Variants in TRMT13 observed in about 807,000 individuals in gnomAD.
TRMT13 encodes the protein tRNA methyltransferase 13.
A neutral mutation model predicts 55.9 loss-of-function variants in TRMT13; 45 were observed. The observed-to-expected ratio is 0.80, with a 90% CI of 0.63 to 1.03. The LOEUF is 1.03. Among genes scored for constraint, TRMT13 ranks in the 50% least tolerant of loss-of-function variants. The pLI is 0.00. For missense variants in TRMT13, 513 were observed against 563.9 expected, an observed-to-expected ratio of 0.91 and a Z score of 0.91; for synonymous variants, 183 against 196.3, an observed-to-expected ratio of 0.93 and a Z score of 0.57.
At chr1:100,137,625 T>C (rs1332906850) in intron 3 of TRMT13, among the ~76,000 whole-genome samples, 1 of 152,232 alleles carries the variant, frequency 6.6e-6, no homozygotes, top group African/African-American at 2.4e-5. Context: ...ACACCATTTC[T>C]GTCTTCCAAG....
At chr1:100,140,604 G>A in intron 6 of TRMT13, 90 bp downstream of exon 6, 1 of 1,094,210 alleles carries the variant, frequency 9.1e-7, no homozygotes, top group Admixed American at 2.2e-5. Context: ...ATTTTATTTT[G>A]TTTACCTTTG....
chr1:100,133,332 C>T lies in TRMT13; in HGVS notation c.147+17C>T, dbSNP rs1655290581. On this transcript the variant is annotated intron_variant, in intron 1 of 10. Coordinates refer to ENST00000370141, the MANE Select transcript of TRMT13 (RefSeq NM_019083.3). ...GCCGCGGAGGTGTGGTATCGCCCTA[C>T]TCTCTCAAGAGTCGGAAATAAGTAT... The T allele has an allele frequency of 4.3e-6, 7 of 1,612,700 alleles. No homozygotes were observed. In the East Asian group the frequency reaches 1.3e-4, roughly 31 times the overall value.
chr1:100,139,502 T>C (rs1044856244), intron 3 of TRMT13, 147 bp from the exon 4 acceptor site: 28 of 596,624 alleles, frequency 4.7e-5, no homozygotes, highest in African/African-American at 4.5e-4. Context: ...AGAGTAAATA[T>C]TCAATAGTGA....
chr1:100,139,071 A>G (rs1057481680), intron 3 of TRMT13, among the ~76,000 whole-genome samples: 11 of 152,254 alleles, frequency 7.2e-5, no homozygotes, highest in African/African-American at 2.4e-4. Context: ...AAGTGCTAGG[A>G]TTACAGGCCT....
chr1:100,147,497 T>C (rs1265835901), intron 9 of TRMT13, among the ~76,000 whole-genome samples: 2 of 152,162 alleles, frequency 1.3e-5, no homozygotes, highest in African/African-American at 2.4e-5. Flanking sequence ...CTCCCTCCCT[T>C]CCTTCCTTCC....
chr1:100,145,764 AG>A (rs536100180), intron 9 of TRMT13, among the ~76,000 whole-genome samples: 75 of 152,172 alleles, frequency 4.9e-4, no homozygotes, highest in Non-Finnish European at 8.1e-4. Context: ...CCAGCTATTC[AG>A]GAGGCTGAGG....
intron 1 of TRMT13, among the ~76,000 whole-genome samples, chr1:100,136,209 T>A (rs1274550894): frequency 6.6e-6 from 1 of 152,232 alleles, no homozygotes. Flanking sequence ...CAGTAAAATA[T>A]GGCACATCCA....
At chr1:100,148,521 A>C (rs1657582627) in intron 10 of TRMT13, 104 bp from the exon 11 acceptor site, 1 of 1,151,192 alleles carries the variant, frequency 8.7e-7, no homozygotes, top group Non-Finnish European at 1.2e-6. Context: ...TACTTAGTAC[A>C]TTATGGGTTA....
intron 7 of TRMT13, among the ~76,000 whole-genome samples, chr1:100,142,323 A>G (rs1169186514): frequency 1.3e-5 from 2 of 152,232 alleles, no homozygotes; most frequent in African/African-American, 4.8e-5. Flanking sequence ...CATTAAAACT[A>G]TATTAGAAGA....
Position 100,144,059 on chromosome 1 carries a change from T to C in TRMT13, c.743-10T>C, listed in dbSNP as rs1171659905. 5 of 1,608,176 alleles carry C rather than the reference T, an allele frequency of 3.1e-6. No individual in the cohort carries two copies. Among genetic ancestry groups the C allele is most frequent in the Middle Eastern group, 1.6e-4 (1 of 6,076 alleles). On this transcript the variant is annotated splice_polypyrimidine_tract_variant and intron_variant, in intron 8 of 10. Coordinates refer to ENST00000370141, the MANE Select transcript of TRMT13 (RefSeq NM_019083.3). ...TTTCACTAGACAGTTAATTCTCATT[T>C]CCATTTCAGACAAGATTCCTGTGCT... is the stretch of plus-strand genomic sequence containing the variant.
chr1:100,147,809 A>G, intron 9 of TRMT13, 85 bp from the exon 10 acceptor site: 2 of 1,321,150 alleles, frequency 1.5e-6, no homozygotes, highest in Non-Finnish European at 2.0e-6. Context: ...TTGAGTTTTT[A>G]AAAACAGTAC....
At chr1:100,143,239 A>T (rs369176279) in intron 8 of TRMT13, 30 bp downstream of exon 8, 11 of 1,440,884 alleles carry the variant, frequency 7.6e-6, no homozygotes, top group Non-Finnish European at 1.1e-5. Context: ...ATTGGTCTAC[A>T]AATAAATCAT....
In TRMT13 at chr1:100,149,369, C is replaced by T; in HGVS notation, c.*549C>T. The T allele has an allele frequency of 6.5e-7, 1 of 1,544,054 alleles. No homozygotes were observed. Among genetic ancestry groups the T allele is most frequent in the African/African-American group, 1.4e-5 (1 of 72,900 alleles). On this transcript the variant is annotated 3_prime_UTR_variant, in exon 11 of 11. Coordinates refer to ENST00000370141, the MANE Select transcript of TRMT13 (RefSeq NM_019083.3). ...CACAATTAATTAATGAAGTCACCTT[C>T]AAATTTCCAGAGCCATACATGTATA...
At chr1:100,137,370 AT>A (rs1227899397) in intron 3 of TRMT13, among the ~76,000 whole-genome samples, 6 of 151,730 alleles carry the variant, frequency 4.0e-5, no homozygotes, top group African/African-American at 1.2e-4. Context: ...TTATTTTTTT[AT>A]TTTTTTATAG....
chr1:100,148,043 A>G lies in TRMT13; in HGVS notation c.967A>G (p.Lys323Glu). 6.2e-7 allele frequency: 1 copy of G among 1,614,206 alleles called. No individual in the cohort carries two copies. Among genetic ancestry groups the G allele is most frequent in the East Asian group, 2.2e-5 (1 of 44,890 alleles). ...KEGNEKNVPE[K>E]WNPVAGIVIA... is the part of the protein sequence containing the mutation. Reference sequence around the variant, plus strand: ...AGGAAATGAAAAAAATGTCCCAGAGAAGTGGAACCCTGTGGCTGGCATTGT... The same window carrying G: ...AGGAAATGAAAAAAATGTCCCAGAGGAGTGGAACCCTGTGGCTGGCATTGT... The change falls in exon 10 of 11, where the codon AAG becomes GAG. Residue 323 changes from lysine (K) to glutamate (E), a missense_variant. Transcript: ENST00000370141.
chr1:100,137,042 C>G lies in TRMT13; in HGVS notation c.218C>G (p.Ala73Gly). ...AGCACAGTATATGAAGATCAACTAG[C>G]AAAGCATTTGAAAAAATGTAACTCA... ...PKHTVYEDQL[A>G]KHLKKCNSRE... The change falls in exon 3 of 11, where the codon GCA becomes GGA. Residue 73 changes from alanine (A) to glycine (G), a missense_variant. This residue lies in a region of TRMT13 where 298 missense variants were observed against 290.3 expected (regional missense o/e 1.03). Coordinates refer to ENST00000370141, the MANE Select transcript of TRMT13 (RefSeq NM_019083.3). 8.1e-6 allele frequency: 13 copies of G among 1,612,034 alleles called. No individual in the cohort carries two copies. Among genetic ancestry groups the G allele is most frequent in the Non-Finnish European group, 1.0e-5 (12 of 1,179,440 alleles).
intron 7 of TRMT13, among the ~76,000 whole-genome samples, chr1:100,141,318 G>A (rs1271192169): frequency 6.6e-6 from 1 of 152,090 alleles, no homozygotes; most frequent in Non-Finnish European, 1.5e-5. Context: ...TCCTATCTTT[G>A]CCACTTGCCC....
chr1:100,136,958 T>G (rs373283558), intron 2 of TRMT13, 30 bp downstream of exon 2: 11 of 1,601,254 alleles, frequency 6.9e-6, no homozygotes, highest in East Asian at 2.2e-5. Flanking sequence ...GGGTTTTTTT[T>G]TGTGCTGGAA....
chr1:100,148,348 G>A, intron 10 of TRMT13, 22 bp downstream of exon 10: 1 of 1,594,142 alleles, frequency 6.3e-7, no homozygotes, highest in Non-Finnish European at 8.6e-7. Context: ...CTTTTGTAAT[G>A]CATGATACTA....
Sources: allele counts gnomAD v4.1 joint callset (sites outside exome capture counted in the v4.1 genomes callset), GRCh38; gene constraint gnomAD v4.1.1; regional missense constraint gnomAD v4.1.1; transcripts MANE v1.5; gene names NCBI Gene and HGNC (gene_info 2026-07-23, HGNC 2026-07-21).